The following PDE4D variants were observed in gnomAD, a reference collection of about 807,000 sequenced individuals.
The protein encoded by PDE4D is 3',5'-cyclic-AMP phosphodiesterase 4D.
In PDE4D, 24 loss-of-function variants were observed where a neutral mutation model predicts 87.4. That is an observed-to-expected ratio of 0.27 (90% CI 0.20 to 0.39). The LOEUF (loss-of-function observed/expected upper bound fraction) is 0.39. PDE4D is among the 10% of genes least tolerant of loss of function. The probability of loss-of-function intolerance (pLI) is 1.00; values close to 1 mark genes in which losing one functional copy is unlikely to be tolerated. For missense variants in PDE4D, 714 were observed against 1,041.0 expected (o/e 0.69, Z 4.32); for synonymous variants, 384 against 383.2 (o/e 1.00, Z -0.02).
chr5:60,119,909 G>C (rs1031924411), intron 2 of PDE4D, among the ~76,000 whole-genome samples: 3 of 152,116 alleles, frequency 2.0e-5, no homozygotes, highest in African/African-American at 7.2e-5. Context: ...ATATACATGG[G>C]ACCTGAAGCC....
chr5:60,094,246 T>C (rs1775435971), intron 2 of PDE4D, among the ~76,000 whole-genome samples: 1 of 152,174 alleles, frequency 6.6e-6, no homozygotes, highest in African/African-American at 2.4e-5. Context: ...AGTGAGTGAT[T>C]AAAGTCACTT....
At chr5:60,353,322 C>T (rs1389913753) in intron 1 of PDE4D, among the ~76,000 whole-genome samples, 1 of 152,208 alleles carries the variant, frequency 6.6e-6, no homozygotes, top group African/African-American at 2.4e-5. Context: ...GCTCTCAGCT[C>T]CCAAATCATA....
chr5:59,395,417 G>A (rs1002905303), intron 1 of PDE4D, among the ~76,000 whole-genome samples: 7 of 152,164 alleles, frequency 4.6e-5, no homozygotes, highest in African/African-American at 1.7e-4. Context: ...TCCTCAAGTG[G>A]GTCTCTGACC....
chr5:59,027,939 T>A lies in PDE4D; in HGVS notation c.921+10920A>T, dbSNP rs886962316. 2.5e-4 allele frequency among the ~76,000 whole-genome samples: 38 copies of A among 151,876 alleles called. 1 individual carries two copies. The highest frequency in any genetic ancestry group is 1.5e-5 in the Non-Finnish European group (1 of 68,004). On this transcript the variant is annotated intron_variant, in intron 6 of 14. Transcript: ENST00000340635. ...AGGAAATATTTGTGTGTATACTAGA[T>A]GGTAAGATGTTGAGAGGTAGAATGG...
intron 1 of PDE4D, among the ~76,000 whole-genome samples, chr5:59,243,401 T>C (rs1231201309): frequency 1.3e-5 from 2 of 150,998 alleles, no homozygotes; most frequent in Non-Finnish European, 3.0e-5. Flanking sequence ...ATAAATGTTT[T>C]CCCTTTTTTA....
intron 3 of PDE4D, among the ~76,000 whole-genome samples, chr5:59,940,424 T>C (rs774995013): frequency 6.6e-6 from 1 of 152,066 alleles, no homozygotes; most frequent in Non-Finnish European, 1.5e-5. Flanking sequence ...TGATGGCAGA[T>C]TACACTACAG....
At chr5:59,653,975 G>A (rs1187297730) in intron 1 of PDE4D, among the ~76,000 whole-genome samples, 1 of 151,930 alleles carries the variant, frequency 6.6e-6, no homozygotes, top group Non-Finnish European at 1.5e-5. Flanking sequence ...GGAGGGTGAG[G>A]CCTGCAGATC....
intron 2 of PDE4D, among the ~76,000 whole-genome samples, chr5:59,198,011 G>A (rs1581317517): frequency 6.6e-6 from 1 of 152,274 alleles, no homozygotes; most frequent in African/African-American, 2.4e-5. Flanking sequence ...GAGACTATTA[G>A]GGTCTCTATA....
intron 3 of PDE4D, among the ~76,000 whole-genome samples, chr5:59,906,953 A>C (rs796585038): frequency 1.9e-4 from 29 of 152,320 alleles, no homozygotes; most frequent in African/African-American, 6.5e-4. Context: ...AGCACTGTTC[A>C]CAATAGCAAA....
chr5:60,498,166 G>GCACACA lies in PDE4D; in HGVS notation n.70+23879_70+23884dup, dbSNP rs34436235. On this transcript the variant is annotated intron_variant and non_coding_transcript_variant, in intron 1 of 2. Transcript: ENST00000506510. ...AACCAGTGACTGGAGACACACACAT[G>GCACACA]CACACACACACACACACACACACAC... Among the ~76,000 whole-genome samples the GCACACA allele has an allele frequency of 4.9e-3, 706 of 144,284 alleles. 3 individuals carry two copies. The highest frequency in any genetic ancestry group is 0.031 in the Middle Eastern group (9 of 286). The allele number at this position is 144,284 out of a possible 152,430, so 94.7% of individuals were successfully genotyped here. A position where few individuals can be genotyped will look rare whatever the true frequency, so the allele number is the denominator to read the frequency against.
At chr5:59,915,334 G>C (rs1270487515) in intron 3 of PDE4D, among the ~76,000 whole-genome samples, 1 of 152,112 alleles carries the variant, frequency 6.6e-6, no homozygotes, top group Non-Finnish European at 1.5e-5. Flanking sequence ...GAGTCCATAG[G>C]AAGAAGAATA....
chr5:59,326,560 CTT>C (rs1197378764), intron 1 of PDE4D, among the ~76,000 whole-genome samples: 2 of 151,986 alleles, frequency 1.3e-5, no homozygotes, highest in African/African-American at 4.8e-5. Flanking sequence ...ATTTCACTGA[CTT>C]TTAAACTTTT....
chr5:59,615,177 C>T (rs1232407714), intron 1 of PDE4D, among the ~76,000 whole-genome samples: 1 of 152,062 alleles, frequency 6.6e-6, no homozygotes, highest in African/African-American at 2.4e-5. Flanking sequence ...GCGCTTCTTA[C>T]CTGGACTTCA....
intron 1 of PDE4D, among the ~76,000 whole-genome samples, chr5:59,260,009 T>G (rs906418411): frequency 6.6e-6 from 1 of 152,012 alleles, no homozygotes; most frequent in Non-Finnish European, 1.5e-5. Context: ...ATTTCACAAA[T>G]TCCAGCATCA....
At chr5:59,971,154 C>CA (rs1760703679) in intron 3 of PDE4D, among the ~76,000 whole-genome samples, 1 of 134,220 alleles carries the variant, frequency 7.5e-6, no homozygotes, top group South Asian at 2.3e-4. Flanking sequence ...GGGAATTGAA[C>CA]AATGAGATCA....
chr5:59,188,130 C>A (rs1455280549), intron 3 of PDE4D, among the ~76,000 whole-genome samples: 1 of 152,074 alleles, frequency 6.6e-6, no homozygotes, highest in African/African-American at 2.4e-5. Context: ...CTGAATTCGA[C>A]TCTTTAAGAA....
At chr5:59,476,986 A>G (rs146097281) in intron 1 of PDE4D, among the ~76,000 whole-genome samples, 1 of 152,136 alleles carries the variant, frequency 6.6e-6, no homozygotes, top group Non-Finnish European at 1.5e-5. Flanking sequence ...AGATAATAGT[A>G]ACACATGAAA....
chr5:59,564,217 G>A (rs1403007174), intron 1 of PDE4D, among the ~76,000 whole-genome samples: 4 of 152,152 alleles, frequency 2.6e-5, no homozygotes, highest in Admixed American at 1.3e-4. Flanking sequence ...CAGCATACTT[G>A]GTACAAGGTA....
At chr5:59,787,070 T>G (rs1186310413) in intron 1 of PDE4D, among the ~76,000 whole-genome samples, 2 of 152,232 alleles carry the variant, frequency 1.3e-5, no homozygotes, top group African/African-American at 4.8e-5. Flanking sequence ...ACACTGACAA[T>G]GTCTTATCTC....
Sources: allele counts gnomAD v4.1 joint callset (sites outside exome capture counted in the v4.1 genomes callset), GRCh38; gene constraint gnomAD v4.1.1; transcripts MANE v1.5; gene names NCBI Gene and HGNC (gene_info 2026-07-23, HGNC 2026-07-21).